RORA: variants seen among roughly 807,000 people sequenced by gnomAD.
The protein encoded by RORA is nuclear receptor ROR-alpha.
A neutral mutation model predicts 69.5 loss-of-function variants in RORA; 7 were observed. The ratio of observed to expected loss-of-function variants is 0.10; its 90% CI spans 0.06 to 0.19. RORA has a LOEUF of 0.19. Among genes scored for constraint, RORA ranks in the 10% least tolerant of loss-of-function variants. The probability of loss-of-function intolerance (pLI) is 1.00; values close to 1 mark genes in which losing one functional copy is unlikely to be tolerated. For missense variants in RORA, 457 were observed against 663.0 expected (o/e 0.69, Z 3.41); for synonymous variants, 261 against 240.8 (o/e 1.08, Z -0.78).
At chr15:60,598,846 C>G (rs2068755006) in intron 2 of RORA, among the ~76,000 whole-genome samples, 1 of 152,196 alleles carries the variant, frequency 6.6e-6, no homozygotes, top group Non-Finnish European at 1.5e-5. Context: ...CTAAGAGGCC[C>G]TGTGGTCTAG....
intron 2 of RORA, among the ~76,000 whole-genome samples, chr15:60,615,373 C>T (rs1386143706): frequency 6.6e-6 from 1 of 152,162 alleles, no homozygotes; most frequent in Admixed American, 6.5e-5. Context: ...AACACCCCAG[C>T]CGGTATCTCT....
intron 2 of RORA, among the ~76,000 whole-genome samples, chr15:60,631,083 T>C (rs1257170763): frequency 6.6e-6 from 1 of 151,786 alleles, no homozygotes; most frequent in East Asian, 1.9e-4. Context: ...AGAGACGGGG[T>C]TTTACCATGT....
At chr15:60,743,738 G>A (rs538778607) in intron 1 of RORA, among the ~76,000 whole-genome samples, 42 of 152,280 alleles carry the variant, frequency 2.8e-4, no homozygotes, top group African/African-American at 8.7e-4. Flanking sequence ...AGGCTCTGCC[G>A]CCACATCTTA....
At chr15:60,997,310 A>T (rs1418367251) in intron 1 of RORA, among the ~76,000 whole-genome samples, 41 of 152,188 alleles carry the variant, frequency 2.7e-4, no homozygotes, top group Admixed American at 2.6e-3. Context: ...CTCTCATTAA[A>T]TCAATATAAA....
intron 1 of RORA, among the ~76,000 whole-genome samples, chr15:61,184,356 G>A (rs559972192): frequency 5.3e-5 from 8 of 152,088 alleles, no homozygotes; most frequent in East Asian, 1.9e-4. Flanking sequence ...CAAACTTCAC[G>A]CATTACATCA....
chr15:61,033,789 C>A (rs782959), intron 1 of RORA, among the ~76,000 whole-genome samples: 147,110 of 152,164 alleles, frequency 0.97, 71,305 homozygotes, highest in East Asian at 1. Context: ...TATCAACAAG[C>A]CAGGCATGGT....
chr15:60,525,101 CA>C (rs921842229), intron 3 of RORA, among the ~76,000 whole-genome samples: 2 of 151,822 alleles, frequency 1.3e-5, no homozygotes, highest in African/African-American at 4.8e-5. Flanking sequence ...AACAAACACG[CA>C]AAAAAACACT....
At position 60,497,223 on chromosome 15, in the gene RORA, A is replaced by G; in HGVS notation, c.*232T>C. On this transcript the variant is annotated 3_prime_UTR_variant, in exon 11 of 11. Coordinates refer to ENST00000335670, the MANE Select transcript of RORA (RefSeq NM_134261.3). ...TCAATGATCAAGAAGTCAAGACAGA[A>G]AAAGGGTCCATATCTGTAGGCATAA... The G allele has an allele frequency of 4.7e-6, 2 of 425,408 alleles. No homozygotes were observed. Among genetic ancestry groups the G allele is most frequent in the Middle Eastern group, 6.2e-4 (1 of 1,626 alleles). 26.4% of individuals were successfully genotyped at this position (425,408 alleles called of 1,614,324 possible).
chr15:60,584,569 T>C (rs2068278268), intron 2 of RORA, among the ~76,000 whole-genome samples: 1 of 152,186 alleles, frequency 6.6e-6, no homozygotes, highest in South Asian at 2.1e-4. Context: ...AGACACTTGA[T>C]TGGGAGGAAG....
Position 60,986,465 on chromosome 15 carries a change from G to A in RORA, c.166+242588C>T, listed in dbSNP as rs75593675. 5.9e-3 allele frequency among the ~76,000 whole-genome samples: 902 copies of A among 152,240 alleles called. 10 individuals carry two copies. Among genetic ancestry groups the A allele is most frequent in the African/African-American group, 0.021 (877 of 41,538 alleles). ...CTTTTCGAGTTCCTGAACAATTTGA[G>A]GCCACCTCTTCATTAATTGGCCAAA... On this transcript the variant is annotated intron_variant, in intron 1 of 10. Transcript: ENST00000335670.
rs991910867 is a variant in RORA, at chr15:60,536,882, T to C, written c.197-5031A>G. Among the ~76,000 whole-genome samples the C allele has an allele frequency of 3.3e-5, 5 of 152,396 alleles. No homozygotes were observed. The South Asian group carries it at 6.2e-4, about 19-fold the overall frequency. Reference sequence around the variant, plus strand: ...CAGATCTGTTGATGGTGTTTTTTTCTGGAGTGCAGAGAATATGGAGGACTT... The same window carrying C: ...CAGATCTGTTGATGGTGTTTTTTTCCGGAGTGCAGAGAATATGGAGGACTT... On this transcript the variant is annotated intron_variant, in intron 2 of 10. Coordinates refer to ENST00000335670, the MANE Select transcript of RORA (RefSeq NM_134261.3).
chr15:60,888,658 T>C (rs1470510837), intron 1 of RORA, among the ~76,000 whole-genome samples: 1 of 152,174 alleles, frequency 6.6e-6, no homozygotes, highest in African/African-American at 2.4e-5. Context: ...GCCGATTATA[T>C]CCTTCACCCC....
intron 1 of RORA, among the ~76,000 whole-genome samples, chr15:61,191,039 G>A (rs1408230029): frequency 1.3e-5 from 2 of 152,004 alleles, no homozygotes; most frequent in East Asian, 1.9e-4. Context: ...GCATCAGGGA[G>A]ATTTTTCATA....
At chr15:61,168,191 C>G (rs1278265895) in intron 1 of RORA, among the ~76,000 whole-genome samples, 2 of 150,736 alleles carry the variant, frequency 1.3e-5, no homozygotes, top group Non-Finnish European at 2.9e-5. Context: ...CATATATACA[C>G]ATATATACAC....
intron 1 of RORA, among the ~76,000 whole-genome samples, chr15:60,730,031 C>T (rs144382748): frequency 2.4e-4 from 36 of 152,244 alleles, no homozygotes; most frequent in African/African-American, 5.3e-4. Flanking sequence ...TCTCCTGTTA[C>T]GCCAGCACAA....
At chr15:61,045,492 G>A (rs529541773) in intron 1 of RORA, among the ~76,000 whole-genome samples, 71 of 152,294 alleles carry the variant, frequency 4.7e-4, no homozygotes, top group African/African-American at 1.1e-3. Flanking sequence ...CAATTGCTGC[G>A]CTGAAGTAAA....
In RORA at chr15:60,531,874, G is replaced by GTTAA. The variant is rs2066535948; in HGVS notation, c.197-27_197-24dup. On this transcript the variant is annotated intron_variant, in intron 2 of 10. Coordinates refer to ENST00000335670, the MANE Select transcript of RORA (RefSeq NM_134261.3). The surrounding 1 kb of genome is among the most constrained non-coding windows in gnomAD (Gnocchi z 4.8). ...GAGCTGCAACAGAAGCACGCAACCA[G>GTTAA]TTAATTACATTTTCTTTTAAACACC... is the stretch of plus-strand genomic sequence containing the variant. The GTTAA allele has an allele frequency of 6.8e-7, 1 of 1,477,926 alleles. No individual in the cohort carries two copies. The allele number at this position is 1,477,926 out of a possible 1,614,324, so 91.6% of individuals were successfully genotyped here.
At position 60,661,440 on chromosome 15, in the gene RORA, C is replaced by T. The variant is rs1304281415; in HGVS notation, c.196+17217G>A. ...TTATTATGGTAATACCCAGGGCAGA[C>T]TGATCAAGCTGCCATTGATGTCTAT... On this transcript the variant is annotated intron_variant, in intron 2 of 10. Transcript: ENST00000335670. Among the ~76,000 whole-genome samples, 3 of 152,182 alleles carry T rather than the reference C, an allele frequency of 2.0e-5. No individual in the cohort carries two copies. The South Asian group carries it at 6.2e-4, about 31-fold the overall frequency.
At chr15:60,612,672 T>G (rs987027415) in intron 2 of RORA, among the ~76,000 whole-genome samples, 1 of 118,036 alleles carries the variant, frequency 8.5e-6, no homozygotes, top group African/African-American at 4.8e-5. Flanking sequence ...TTTTTTTTTT[T>G]TTTTTTTTTT....
Sources: allele counts gnomAD v4.1 joint callset (sites outside exome capture counted in the v4.1 genomes callset), GRCh38; gene constraint gnomAD v4.1.1; non-coding constraint Gnocchi (gnomAD v3.1); transcripts MANE v1.5; gene names NCBI Gene and HGNC (gene_info 2026-07-23, HGNC 2026-07-21).